GRIA4: variants seen among roughly 807,000 people sequenced by gnomAD.
GRIA4 encodes glutamate receptor 4.
Under a neutral mutation model 104.0 loss-of-function variants are expected in GRIA4, and 34 were observed. The observed-to-expected ratio is 0.33, with a 90% CI of 0.25 to 0.44. The LOEUF (loss-of-function observed/expected upper bound fraction) is 0.44, where lower values mean the gene tolerates loss of function less well. GRIA4 is among the 20% of genes least tolerant of loss of function. GRIA4 has a pLI of 1.00. For missense variants in GRIA4, 750 were observed against 1,096.5 expected (o/e 0.68, Z 4.46); for synonymous variants, 386 against 381.9 (o/e 1.01, Z -0.13).
chr11:105,955,469 C>T (rs1309137722), intron 14 of GRIA4, among the ~76,000 whole-genome samples: 1 of 152,198 alleles, frequency 6.6e-6, no homozygotes, highest in Non-Finnish European at 1.5e-5. Flanking sequence ...CTTTTTATGG[C>T]TGCATAGTAT....
At chr11:105,756,365 G>A (rs912391949) in intron 4 of GRIA4, among the ~76,000 whole-genome samples, 12 of 152,060 alleles carry the variant, frequency 7.9e-5, no homozygotes, top group African/African-American at 1.9e-4. Context: ...CACAAGCACC[G>A]TTCTTTTCCT....
chr11:105,716,790 A>C (rs961043519), intron 3 of GRIA4, among the ~76,000 whole-genome samples: 2 of 152,150 alleles, frequency 1.3e-5, no homozygotes, highest in Non-Finnish European at 2.9e-5. Context: ...ATTATGTAAA[A>C]GTGGGGAATG....
intron 3 of GRIA4, among the ~76,000 whole-genome samples, chr11:105,731,924 T>C (rs1187367620): frequency 2.6e-5 from 4 of 151,990 alleles, no homozygotes; most frequent in Admixed American, 2.6e-4. Flanking sequence ...ATACCTAATG[T>C]AGATGATGGG....
At chr11:105,768,785 T>C (rs1186762772) in intron 4 of GRIA4, among the ~76,000 whole-genome samples, 5 of 152,048 alleles carry the variant, frequency 3.3e-5, no homozygotes, top group Non-Finnish European at 5.9e-5. Flanking sequence ...AAAATCCATA[T>C]ATAAACTATA....
At chr11:105,719,171 G>C (rs1260992173) in intron 3 of GRIA4, among the ~76,000 whole-genome samples, 2 of 152,100 alleles carry the variant, frequency 1.3e-5, no homozygotes, top group Non-Finnish European at 2.9e-5. Flanking sequence ...TAAATTGAGA[G>C]TTCGGTAAGT....
At chr11:105,897,050 G>A (rs1296993487) in intron 6 of GRIA4, among the ~76,000 whole-genome samples, 2 of 152,110 alleles carry the variant, frequency 1.3e-5, no homozygotes, top group East Asian at 1.9e-4. Context: ...AGCATGGGAT[G>A]TTTTTCCATT....
intron 3 of GRIA4, among the ~76,000 whole-genome samples, chr11:105,676,521 TA>T (rs5794419): frequency 0.97 from 146,876 of 151,650 alleles, 71,223 homozygotes; most frequent in South Asian, 0.99. Context: ...TTAAAAATTA[TA>T]AAAAAAAGAA....
At chr11:105,614,592 A>T (rs1950554827) in intron 3 of GRIA4, among the ~76,000 whole-genome samples, 1 of 152,072 alleles carries the variant, frequency 6.6e-6, no homozygotes, top group East Asian at 1.9e-4. Context: ...AGAATAATAC[A>T]GTATTAGTGA....
In GRIA4 at chr11:105,693,297, G is replaced by A. The variant is rs116697216; in HGVS notation, c.248-59684G>A. Among the ~76,000 whole-genome samples, 311 of 152,312 alleles carry A rather than the reference G, an allele frequency of 2.0e-3. 2 individuals carry two copies. Among genetic ancestry groups the A allele is most frequent in the African/African-American group, 6.9e-3 (287 of 41,580 alleles). Reference sequence around the variant, plus strand: ...CACTCTTGCATCTGTTCAATATGCAGTTTTATCAGCAAACTGGCAGAAGAC... The same window carrying A: ...CACTCTTGCATCTGTTCAATATGCAATTTTATCAGCAAACTGGCAGAAGAC... On this transcript the variant is annotated intron_variant, in intron 3 of 16. Coordinates refer to ENST00000282499, the MANE Select transcript of GRIA4 (RefSeq NM_000829.4).
At chr11:105,966,078 C>G (rs1858353870) in intron 14 of GRIA4, 5 of 1,536,970 alleles carry the variant, frequency 3.3e-6, no homozygotes, top group African/African-American at 1.4e-5. Context: ...CTCAATGTCA[C>G]CAAAAGCGGG....
intron 4 of GRIA4, among the ~76,000 whole-genome samples, chr11:105,798,700 T>C (rs574728851): frequency 3.3e-5 from 5 of 152,180 alleles, no homozygotes; most frequent in Middle Eastern, 3.4e-3. Context: ...ACTCAGAATA[T>C]GTTTTGAAGG....
intron 4 of GRIA4, 117 bp downstream of exon 4, chr11:105,753,337 A>T (rs1326341420): frequency 1.1e-6 from 1 of 893,200 alleles, no homozygotes; most frequent in African/African-American, 1.7e-5. Flanking sequence ...AAATCAGAAA[A>T]TGGTTGATGT....
intron 5 of GRIA4, among the ~76,000 whole-genome samples, chr11:105,882,176 T>G (rs1247215196): frequency 2.0e-5 from 3 of 152,120 alleles, no homozygotes; most frequent in Admixed American, 1.3e-4. Flanking sequence ...CCCTAACACC[T>G]CTGAATATGT....
At chr11:105,972,212 C>A (rs562500840) in intron 15 of GRIA4, among the ~76,000 whole-genome samples, 184 bp downstream of exon 15, 53 of 152,206 alleles carry the variant, frequency 3.5e-4, no homozygotes, top group African/African-American at 1.2e-3. Context: ...AACCTGCTCC[C>A]CAATATTAAG....
intron 14 of GRIA4, among the ~76,000 whole-genome samples, chr11:105,941,718 C>G (rs1284420961): frequency 6.6e-6 from 1 of 152,076 alleles, no homozygotes; most frequent in Non-Finnish European, 1.5e-5. Context: ...GTGACACAAA[C>G]AGCTTCTGAC....
chr11:105,906,307 T>C (rs998944480), intron 9 of GRIA4, among the ~76,000 whole-genome samples: 4 of 152,186 alleles, frequency 2.6e-5, no homozygotes, highest in Non-Finnish European at 5.9e-5. Context: ...AAACATATTT[T>C]ACTCTTAGTA....
At chr11:105,699,289 C>G (rs1165401914) in intron 3 of GRIA4, among the ~76,000 whole-genome samples, 1 of 152,104 alleles carries the variant, frequency 6.6e-6, no homozygotes. Flanking sequence ...AGGATGTCCC[C>G]AACTTGTTAT....
chr11:105,680,258 G>C (rs1294517865), intron 3 of GRIA4, among the ~76,000 whole-genome samples: 1 of 152,026 alleles, frequency 6.6e-6, no homozygotes, highest in Non-Finnish European at 1.5e-5. Flanking sequence ...GGGTTACTAG[G>C]GGTATGGTGA....
At chr11:105,852,857 T>C (rs1167033853) in intron 4 of GRIA4, among the ~76,000 whole-genome samples, 2 of 127,548 alleles carry the variant, frequency 1.6e-5, no homozygotes, top group African/African-American at 2.7e-5. Context: ...CTGCTACTCC[T>C]GCTCTAAAGA....
Sources: allele counts gnomAD v4.1 joint callset (sites outside exome capture counted in the v4.1 genomes callset), GRCh38; gene constraint gnomAD v4.1.1; transcripts MANE v1.5; gene names NCBI Gene and HGNC (gene_info 2026-07-23, HGNC 2026-07-21).